MAGI2: variants seen among roughly 807,000 people sequenced by gnomAD.
The protein encoded by MAGI2 is membrane-associated guanylate kinase, WW and PDZ domain-containing protein 2.
Under a neutral mutation model 133.3 loss-of-function variants are expected in MAGI2, and 35 were observed. That is an observed-to-expected ratio of 0.26 (90% CI 0.20 to 0.35). MAGI2 has a LOEUF of 0.35. Ranked by LOEUF, MAGI2 falls within the 10% of genes least tolerant of loss-of-function variation. The pLI, the probability that MAGI2 is intolerant of heterozygous loss-of-function variation, is 1.00. For missense variants in MAGI2, 1,636 were observed against 1,863.4 expected (o/e 0.88, Z 2.25); for synonymous variants, 729 against 710.6 (o/e 1.03, Z -0.41).
chr7:79,238,564 T>C (rs1419011431), intron 1 of MAGI2, among the ~76,000 whole-genome samples: 1 of 152,186 alleles, frequency 6.6e-6, no homozygotes, highest in African/African-American at 2.4e-5. Flanking sequence ...CTGTGTCCCA[T>C]TTTGTACTAA....
chr7:78,955,111 A>T (rs1464392929), intron 2 of MAGI2, among the ~76,000 whole-genome samples: 3 of 152,156 alleles, frequency 2.0e-5, no homozygotes, highest in African/African-American at 7.2e-5. Context: ...TCTCACTATT[A>T]TGCAACTCTT....
intron 2 of MAGI2, among the ~76,000 whole-genome samples, chr7:78,898,656 G>A (rs1478072539): frequency 1.3e-5 from 2 of 152,092 alleles, no homozygotes; most frequent in African/African-American, 4.8e-5. Context: ...CCTATCAGAG[G>A]ATCAGGGTGG....
intron 2 of MAGI2, among the ~76,000 whole-genome samples, chr7:78,644,849 A>G (rs527793437): frequency 8.5e-5 from 13 of 152,294 alleles, no homozygotes; most frequent in African/African-American, 2.9e-4. Context: ...AGAAAAATCA[A>G]TAAAACTGAT....
chr7:79,077,103 G>A (rs960051676), intron 1 of MAGI2, among the ~76,000 whole-genome samples: 1 of 152,158 alleles, frequency 6.6e-6, no homozygotes. Flanking sequence ...AAGCTCATTT[G>A]TTACAGCAGC....
At chr7:78,924,825 C>A (rs1799562284) in intron 2 of MAGI2, among the ~76,000 whole-genome samples, 1 of 151,048 alleles carries the variant, frequency 6.6e-6, no homozygotes, top group Non-Finnish European at 1.5e-5. Flanking sequence ...TTGCTGAAAT[C>A]CCTTCTACAT....
At position 78,127,323 on chromosome 7, in the gene MAGI2, C is replaced by T. The variant is rs759084358; in HGVS notation, c.3297G>A (p.Arg1099=). 6.2e-7 allele frequency: 1 copy of T among 1,611,868 alleles called. No homozygotes were observed. ...GCTGGTAGTCCCCTCCTGGGGGTTG[C>T]CTGTAATCCAGCGGGGGCTGCCTGT... ...TDYRQPPLDY[R]QPPGGDYQQP... is the part of the protein sequence containing the mutation. Residue 1099 remains arginine, a synonymous_variant, in exon 19 of 22, where the codon AGG becomes AGA. Coordinates refer to ENST00000354212, the MANE Select transcript of MAGI2 (RefSeq NM_012301.4).
chr7:78,302,656 G>T (rs928740612), intron 9 of MAGI2, among the ~76,000 whole-genome samples: 1 of 152,082 alleles, frequency 6.6e-6, no homozygotes, highest in Non-Finnish European at 1.5e-5. Flanking sequence ...TACATTTCAG[G>T]CACTGCCCCT....
intron 10 of MAGI2, among the ~76,000 whole-genome samples, chr7:78,234,590 T>A (rs752783117): frequency 1.1e-3 from 11 of 10,282 alleles, no homozygotes; most frequent in Non-Finnish European, 4.4e-3. Flanking sequence ...ATATTTCATA[T>A]AATATAATGA....
intron 2 of MAGI2, among the ~76,000 whole-genome samples, chr7:78,757,969 C>G (rs75130550): frequency 4.6e-5 from 7 of 152,172 alleles, no homozygotes; most frequent in African/African-American, 1.7e-4. Context: ...GACAAATAAG[C>G]ATGGCAAACA....
intron 1 of MAGI2, among the ~76,000 whole-genome samples, chr7:79,171,694 C>T (rs897110410): frequency 7.4e-6 from 1 of 134,816 alleles, no homozygotes; most frequent in African/African-American, 2.6e-5. Context: ...AAGTAATTCA[C>T]CTTAGTCTTT....
chr7:78,923,108 A>T (rs1799393532), intron 2 of MAGI2, among the ~76,000 whole-genome samples: 1 of 151,922 alleles, frequency 6.6e-6, no homozygotes, highest in Non-Finnish European at 1.5e-5. Flanking sequence ...CTGTCAGATG[A>T]GTAGGTTGCA....
chr7:78,759,906 T>C (rs929197355), intron 2 of MAGI2, among the ~76,000 whole-genome samples: 1 of 152,052 alleles, frequency 6.6e-6, no homozygotes, highest in African/African-American at 2.4e-5. Context: ...AGTGGGCGGA[T>C]CATGAGGTCA....
At chr7:79,410,566 G>A (rs1028212619) in intron 1 of MAGI2, 1 of 152,062 alleles carries the variant, frequency 6.6e-6, no homozygotes, top group African/African-American at 2.4e-5. Context: ...CTGCTCAACA[G>A]TTGGCATGAC....
chr7:78,763,895 A>C (rs1370033970), intron 2 of MAGI2, among the ~76,000 whole-genome samples: 1 of 152,112 alleles, frequency 6.6e-6, no homozygotes, highest in East Asian at 1.9e-4. Context: ...GCTTCCTTAC[A>C]TGTATGCAGC....
At chr7:78,341,719 C>T (rs1177315662) in intron 9 of MAGI2, among the ~76,000 whole-genome samples, 1 of 152,162 alleles carries the variant, frequency 6.6e-6, no homozygotes, top group Non-Finnish European at 1.5e-5. Flanking sequence ...AAAGAATTCC[C>T]TATTTAATAA....
intron 2 of MAGI2, among the ~76,000 whole-genome samples, chr7:78,747,028 A>G (rs1351336180): frequency 6.6e-6 from 1 of 152,210 alleles, no homozygotes; most frequent in Admixed American, 6.5e-5. Flanking sequence ...AGTCCAAATG[A>G]TAGATCAGAG....
intron 2 of MAGI2, among the ~76,000 whole-genome samples, chr7:78,971,928 T>A (rs1803823000): frequency 6.6e-6 from 1 of 151,936 alleles, no homozygotes; most frequent in South Asian, 2.1e-4. Context: ...TAGAAATGTA[T>A]TCCTAGTACA....
At chr7:78,392,562 C>G (rs2151318858) in intron 6 of MAGI2, among the ~76,000 whole-genome samples, 1 of 152,248 alleles carries the variant, frequency 6.6e-6, no homozygotes, top group Middle Eastern at 3.4e-3. Context: ...AACTGGAAAC[C>G]ATTACAAGGT....
intron 9 of MAGI2, among the ~76,000 whole-genome samples, chr7:78,293,539 GATCT>G (rs1378631086): frequency 1.3e-5 from 2 of 152,170 alleles, no homozygotes. Flanking sequence ...ATTCCTCAAG[GATCT>G]AGACCTAGAA....
Sources: gnomAD v4.1 joint callset for allele counts (sites outside exome capture counted in the v4.1 genomes callset) on GRCh38, gnomAD v4.1.1 for gene constraint, MANE v1.5 for transcripts, NCBI Gene and HGNC (gene_info 2026-07-23, HGNC 2026-07-21) for gene names.